The following MRPS9 variants were observed in gnomAD, a reference collection of about 807,000 sequenced individuals.
MRPS9 encodes the protein small ribosomal subunit protein uS9m.
In MRPS9, 45 loss-of-function variants were observed where a neutral mutation model predicts 59.9. That is an observed-to-expected ratio of 0.75 (90% CI 0.59 to 0.96). The LOEUF is 0.96. Ranked by LOEUF, MRPS9 falls within the 40% of genes least tolerant of loss-of-function variation. MRPS9 has a pLI of 0.00. For synonymous variants in MRPS9, 171 were observed against 166.8 expected (o/e 1.03, Z -0.19); for missense variants, 473 against 481.1 (o/e 0.98, Z 0.16).
intron 2 of MRPS9, among the ~76,000 whole-genome samples, chr2:105,060,929 G>A (rs977364675): frequency 1.5e-4 from 22 of 151,494 alleles, no homozygotes; most frequent in African/African-American, 4.8e-4. Flanking sequence ...GGCTAACACC[G>A]TGAAACCCTG....
At chr2:105,062,715 A>G (rs1679929505) in intron 2 of MRPS9, among the ~76,000 whole-genome samples, 1 of 152,260 alleles carries the variant, frequency 6.6e-6, no homozygotes, top group South Asian at 2.1e-4. Context: ...GGCAGTAAAT[A>G]AAATGGAATT....
intron 1 of MRPS9, among the ~76,000 whole-genome samples, chr2:105,043,159 T>C (rs1245029074): frequency 1.3e-5 from 2 of 152,192 alleles, no homozygotes; most frequent in African/African-American, 2.4e-5. Flanking sequence ...GTCCCAACAG[T>C]AGCTTTTTGT....
chr2:105,087,734 A>G (rs1680475976), intron 5 of MRPS9, among the ~76,000 whole-genome samples: 1 of 151,974 alleles, frequency 6.6e-6, no homozygotes, highest in African/African-American at 2.4e-5. Context: ...GGCTTTTCTC[A>G]TCTATGTTAC....
Position 105,071,617 on chromosome 2 carries a change from A to C in MRPS9, c.409+128A>C, listed in dbSNP as rs1680115107. On this transcript the variant is annotated intron_variant, in intron 4 of 10. Transcript: ENST00000258455. ...TGTCACAGTAGTTGTGAAGTAGGTC[A>C]AAAAATTTTGTAACAATGAATGAGT... is the stretch of plus-strand genomic sequence containing the variant. The C allele has an allele frequency of 4.9e-6, 4 of 814,304 alleles. No individual in the cohort carries two copies. In the African/African-American group the frequency reaches 5.1e-5, roughly 10 times the overall value. 50.4% of individuals were successfully genotyped at this position (814,304 alleles called of 1,614,324 possible).
chr2:105,088,932 A>C, intron 5 of MRPS9, 52 bp from the exon 6 acceptor site: 1 of 1,249,022 alleles, frequency 8.0e-7, no homozygotes, highest in Non-Finnish European at 1.1e-6. Context: ...AGAAGTTATA[A>C]TGTACCATTG....
In MRPS9 at chr2:105,098,994, CTGA is replaced by C. The variant is rs532377239; in HGVS notation, c.1100-671_1100-669del. On this transcript the variant is annotated intron_variant, in intron 10 of 10. Coordinates refer to ENST00000258455, the MANE Select transcript of MRPS9 (RefSeq NM_182640.3). ...CAGTTGCCTAGAAACATAATCACTCCTGATGATTGGGAGAATGAAAGTTTCCCG... is the reference window on the plus strand; with the variant it reads ...CAGTTGCCTAGAAACATAATCACTCCTGATTGGGAGAATGAAAGTTTCCCG... Among the ~76,000 whole-genome samples, 495 of 152,312 alleles carry C rather than the reference CTGA, an allele frequency of 3.2e-3. 3 individuals carry two copies. The highest frequency in any genetic ancestry group is 0.011 in the African/African-American group (469 of 41,550).
At chr2:105,074,882 G>C (rs1416714905) in intron 4 of MRPS9, among the ~76,000 whole-genome samples, 1 of 152,200 alleles carries the variant, frequency 6.6e-6, no homozygotes, top group Non-Finnish European at 1.5e-5. Context: ...CGGACCAGGG[G>C]TTGGGGGATG....
intron 7 of MRPS9, among the ~76,000 whole-genome samples, chr2:105,090,239 C>G (rs2104467747): frequency 6.6e-6 from 1 of 152,302 alleles, no homozygotes; most frequent in African/African-American, 2.4e-5. Context: ...AAGTCCTCCT[C>G]TTGTAAGTGC....
intron 2 of MRPS9, among the ~76,000 whole-genome samples, chr2:105,058,730 C>T (rs541553250): frequency 2.2e-5 from 2 of 89,790 alleles, no homozygotes; most frequent in African/African-American, 8.3e-5. Flanking sequence ...GGCAACAGAT[C>T]GTGCAGTGGC....
chr2:105,061,272 C>T (rs1049989878), intron 2 of MRPS9, among the ~76,000 whole-genome samples: 4 of 152,056 alleles, frequency 2.6e-5, no homozygotes, highest in Non-Finnish European at 5.9e-5. Flanking sequence ...GCTGGTTTTG[C>T]GTAGCCTGGC....
In MRPS9 at chr2:105,072,679, T is replaced by C. The variant is rs547418188; in HGVS notation, c.409+1190T>C. Among the ~76,000 whole-genome samples, 7 of 152,282 alleles carry C rather than the reference T, an allele frequency of 4.6e-5. No homozygotes were observed. The South Asian group carries it at 1.5e-3, about 32-fold the overall frequency. On this transcript the variant is annotated intron_variant, in intron 4 of 10. Coordinates refer to ENST00000258455, the MANE Select transcript of MRPS9 (RefSeq NM_182640.3). ...ATACGCAGGCCGCTTTATCAGTGTG[T>C]TTAGAATTAAATAGAAATTGGTAAG...
chr2:105,085,148 A>C (rs930372994), intron 5 of MRPS9, among the ~76,000 whole-genome samples: 6 of 152,154 alleles, frequency 3.9e-5, no homozygotes, highest in African/African-American at 7.2e-5. Flanking sequence ...TCTATATAGT[A>C]TATTGTATTG....
chr2:105,040,173 T>C (rs1411990896), intron 1 of MRPS9, among the ~76,000 whole-genome samples: 1 of 152,130 alleles, frequency 6.6e-6, no homozygotes, highest in African/African-American at 2.4e-5. Context: ...TTTTTTTTTA[T>C]CGTGGTGCAG....
chr2:105,052,699 C>T (rs1476136859), intron 2 of MRPS9, among the ~76,000 whole-genome samples: 4 of 152,042 alleles, frequency 2.6e-5, no homozygotes, highest in African/African-American at 9.7e-5. Context: ...GTATTAATTC[C>T]TCTTTAAGAA....
chr2:105,049,470 G>A (rs1014682789), intron 2 of MRPS9, 120 bp downstream of exon 2: 49 of 801,916 alleles, frequency 6.1e-5, no homozygotes, highest in Non-Finnish European at 8.8e-5. Context: ...AAGGAAAAAT[G>A]CTGCTATACA....
chr2:105,041,643 A>T (rs1679504248), intron 1 of MRPS9, among the ~76,000 whole-genome samples: 4 of 152,118 alleles, frequency 2.6e-5, no homozygotes, highest in African/African-American at 9.7e-5. Context: ...ACAAATGGCT[A>T]AAAAACGCTT....
At chr2:105,041,833 G>A (rs1209901965) in intron 1 of MRPS9, among the ~76,000 whole-genome samples, 1 of 152,102 alleles carries the variant, frequency 6.6e-6, no homozygotes, top group Non-Finnish European at 1.5e-5. Context: ...TCCTGTCCTT[G>A]TAAGGATAGA....
intron 2 of MRPS9, among the ~76,000 whole-genome samples, chr2:105,050,013 T>G (rs933686752): frequency 4.6e-5 from 7 of 152,192 alleles, no homozygotes; most frequent in African/African-American, 1.7e-4. Flanking sequence ...TAATATTATT[T>G]TTAGTCATTT....
chr2:105,079,969 CT>C lies in MRPS9; in HGVS notation c.410-8del. 1 of 1,604,858 alleles carries C rather than the reference CT, an allele frequency of 6.2e-7. No individual in the cohort carries two copies. On this transcript the variant is annotated splice_polypyrimidine_tract_variant and intron_variant, in intron 4 of 10. Transcript: ENST00000258455. ...TATATTTTTATTTGCTTTCATCTGG[CT>C]TTTTTAAATCAGCAATCCAGTGGGG... is the stretch of plus-strand genomic sequence containing the variant.
Sources: gnomAD v4.1 joint callset for allele counts (sites outside exome capture counted in the v4.1 genomes callset) on GRCh38, gnomAD v4.1.1 for gene constraint, MANE v1.5 for transcripts, NCBI Gene and HGNC (gene_info 2026-07-23, HGNC 2026-07-21) for gene names.